The following MIER2 variants were observed in gnomAD, a reference collection of about 807,000 sequenced individuals.
MIER2 encodes the protein mesoderm induction early response protein 2.
Under a neutral mutation model 67.6 loss-of-function variants are expected in MIER2, and 30 were observed. That is an observed-to-expected ratio of 0.44 (90% CI 0.33 to 0.60). The LOEUF (loss-of-function observed/expected upper bound fraction) is 0.60. Among genes scored for constraint, MIER2 ranks in the 20% least tolerant of loss-of-function variants. The pLI, the probability that MIER2 is intolerant of heterozygous loss-of-function variation, is 0.02. For synonymous variants in MIER2, 372 were observed against 312.6 expected, an observed-to-expected ratio of 1.19 and a Z score of -2.00; for missense variants, 702 against 745.1, an observed-to-expected ratio of 0.94 and a Z score of 0.67.
At chr19:343,916 C>T (rs1972620395) in intron 1 of MIER2, 2 of 985,350 alleles carry the variant, frequency 2.0e-6, no homozygotes, top group South Asian at 9.4e-5. Context: ...AAAGTTTCTT[C>T]CTTCCTGGTT....
intron 8 of MIER2, 110 bp downstream of exon 8, chr19:313,382 C>CA: frequency 6.6e-7 from 1 of 1,509,318 alleles, no homozygotes; most frequent in South Asian, 1.3e-5. Context: ...ACACACCTGA[C>CA]CCCTGCCCTC....
intron 2 of MIER2, among the ~76,000 whole-genome samples, chr19:334,870 T>C (rs1456153128): frequency 1.3e-5 from 2 of 151,836 alleles, no homozygotes; most frequent in Non-Finnish European, 2.9e-5. Flanking sequence ...CTCGTTAGGG[T>C]AGAAGGAGCA....
intron 9 of MIER2, 109 bp from the exon 10 acceptor site, chr19:312,048 G>T: frequency 1.6e-6 from 2 of 1,232,004 alleles, no homozygotes; most frequent in Non-Finnish European, 1.1e-6. Context: ...CGGGGCCGCA[G>T]CGGAAGGAAG....
At chr19:317,730 C>CAAA (rs10710807) in intron 7 of MIER2, among the ~76,000 whole-genome samples, 5 of 84,312 alleles carry the variant, frequency 5.9e-5, no homozygotes, top group African/African-American at 9.0e-5. Context: ...GACTCTGTCT[C>CAAA]AAAAAAAAAA....
chr19:317,967 G>A (rs1262803627), intron 7 of MIER2, among the ~76,000 whole-genome samples: 1 of 152,130 alleles, frequency 6.6e-6, no homozygotes, highest in Non-Finnish European at 1.5e-5. Flanking sequence ...ACATTGGGAG[G>A]CCGAAGTGGG....
Position 308,442 on chromosome 19 carries a change from G to C in MIER2, c.1198+135C>G. The C allele has an allele frequency of 5.4e-6, 5 of 917,632 alleles. No individual in the cohort carries two copies. Among genetic ancestry groups the C allele is most frequent in the Non-Finnish European group, 8.1e-6 (5 of 619,586 alleles). 56.8% of individuals were successfully genotyped at this position (917,632 alleles called of 1,614,324 possible). A position where few individuals can be genotyped will look rare whatever the true frequency, so the allele number is the denominator to read the frequency against. ...CATCCACATCACGTGGCTGCCCTCCGCCACCCAGACGCCCACTCCTCCTGG... is the reference window on the plus strand; with the variant it reads ...CATCCACATCACGTGGCTGCCCTCCCCCACCCAGACGCCCACTCCTCCTGG... On this transcript the variant is annotated intron_variant, in intron 12 of 13. Coordinates refer to ENST00000264819, the MANE Select transcript of MIER2 (RefSeq NM_017550.3). The surrounding 1 kb of genome is among the most constrained non-coding windows in gnomAD (Gnocchi z 9.1).
At chr19:330,682 C>T (rs902590706) in intron 3 of MIER2, among the ~76,000 whole-genome samples, 2 of 152,020 alleles carry the variant, frequency 1.3e-5, no homozygotes, top group Non-Finnish European at 2.9e-5. Context: ...TTCAAGGAGG[C>T]CGTGAGGGTG....
intron 4 of MIER2, among the ~76,000 whole-genome samples, 154 bp from the exon 5 acceptor site, chr19:327,410 C>T (rs1243856260): frequency 1.3e-5 from 2 of 152,164 alleles, no homozygotes; most frequent in African/African-American, 4.8e-5. Flanking sequence ...GTGGGGGGAG[C>T]GGGGATGGGA....
Position 305,876 on chromosome 19 carries a change from C to G in MIER2, c.*814G>C, listed in dbSNP as rs1011634753. 2 of 152,386 alleles carry G rather than the reference C, an allele frequency of 1.3e-5. No homozygotes were observed. The highest frequency in any genetic ancestry group is 2.4e-5 in the African/African-American group (1 of 41,462). 9.4% of individuals were successfully genotyped at this position (152,386 alleles called of 1,614,324 possible). A position where few individuals can be genotyped will look rare whatever the true frequency, so the allele number is the denominator to read the frequency against. On this transcript the variant is annotated 3_prime_UTR_variant, in exon 14 of 14. Transcript: ENST00000264819. The stretch of plus-strand genomic sequence containing the variant: ...AGACCTGCAGGGCTGGGGAAACAGG[C>G]TGGAGTCTGGCCCCTGCGTGGCCAG...
rs75198240 is a variant in MIER2, at chr19:327,260, T to TA, written c.370-5dup. The TA allele has an allele frequency of 0.19, 247,573 of 1,319,752 alleles. 2,097 individuals are homozygous for TA. The highest frequency in any genetic ancestry group is 0.29 in the African/African-American group (18,217 of 63,610). 81.8% of individuals were successfully genotyped at this position (1,319,752 alleles called of 1,614,324 possible). A position where few individuals can be genotyped will look rare whatever the true frequency, so the allele number is the denominator to read the frequency against. On this transcript the variant is annotated splice_region_variant and splice_polypyrimidine_tract_variant and intron_variant, in intron 4 of 13. Coordinates refer to ENST00000264819, the MANE Select transcript of MIER2 (RefSeq NM_017550.3). ...GCAAATCCTTCGCTATTTGTTCCTT[T>TA]AAAAAAAAAAAAAAAAGTAAAGAAC... is the stretch of plus-strand genomic sequence containing the variant.
rs781172463 is a variant in MIER2 at position 306,171 on chromosome 19, G to C, written c.*519C>G. On this transcript the variant is annotated 3_prime_UTR_variant, in exon 14 of 14. Transcript: ENST00000264819. ...TATGGCTCTGTGCCCCACGGGGTTG[G>C]CACTGAGTAGCAGCTGCCCACGACC... 6.1e-6 allele frequency: 1 copy of C among 164,806 alleles called. No homozygotes were observed. Among genetic ancestry groups the C allele is most frequent in the Non-Finnish European group, 1.3e-5 (1 of 76,712 alleles). 10.2% of individuals were successfully genotyped at this position (164,806 alleles called of 1,614,324 possible).
rs372865632 is a variant in MIER2, at chr19:325,720, C to G, written c.586-16G>C. 3 of 1,614,164 alleles carry G rather than the reference C, an allele frequency of 1.9e-6. No homozygotes were observed. The highest frequency in any genetic ancestry group is 1.1e-5 in the South Asian group (1 of 91,088). ...CCATGATCTCCTGCAAAGCAAGCAC[C>G]TGGGAATCAGGACACTGAGGAGCAT... On this transcript the variant is annotated splice_polypyrimidine_tract_variant and intron_variant, in intron 6 of 13. Transcript: ENST00000264819.
At chr19:306,746 G>A in intron 13 of MIER2, 35 bp from the exon 14 acceptor site, 5 of 1,555,036 alleles carry the variant, frequency 3.2e-6, no homozygotes, top group Non-Finnish European at 4.4e-6. Context: ...CGCAGAGAGT[G>A]TCAGTGCGGC....
chr19:344,514 C>T (rs1202612022), intron 1 of MIER2: 3 of 403,784 alleles, frequency 7.4e-6, no homozygotes, highest in Non-Finnish European at 1.0e-5. Flanking sequence ...CCGGCCCCCG[C>T]CCGCCCCGCG....
chr19:323,764 G>A lies in MIER2; in HGVS notation c.655+1871C>T, dbSNP rs189879160. Among the ~76,000 whole-genome samples, 40 of 148,598 alleles carry A rather than the reference G, an allele frequency of 2.7e-4. No homozygotes were observed. In the East Asian group the frequency reaches 7.9e-3, roughly 29 times the overall value. On this transcript the variant is annotated intron_variant, in intron 7 of 13. Transcript: ENST00000264819. ...GACGTCATCACAATGCAATACACAG[G>A]ACACACACAACCACAGACAACTCGA...
At chr19:326,879 G>A (rs1048740444) in intron 5 of MIER2, 2 of 586,066 alleles carry the variant, frequency 3.4e-6, no homozygotes, top group Non-Finnish European at 5.9e-6. Context: ...TTCTGGGAAT[G>A]CTGTCCCTGG....
rs1970658412 is a variant in MIER2 at position 306,562 on chromosome 19, T to C, written c.*128A>G. 2.0e-5 allele frequency: 25 copies of C among 1,275,848 alleles called. No homozygotes were observed. The highest frequency in any genetic ancestry group is 2.6e-5 in the Non-Finnish European group (24 of 907,940). The allele number at this position is 1,275,848 out of a possible 1,614,324, so 79.0% of individuals were successfully genotyped here. A position where few individuals can be genotyped will look rare whatever the true frequency, so the allele number is the denominator to read the frequency against. ...CCACCTCACCCCAGTCCTGACGTGT[T>C]CTGAAGCAGAAGGAGGTGCTACCCC... On this transcript the variant is annotated 3_prime_UTR_variant, in exon 14 of 14. Transcript: ENST00000264819.
chr19:332,047 T>C (rs1191861379), intron 3 of MIER2, among the ~76,000 whole-genome samples: 8 of 152,334 alleles, frequency 5.3e-5, no homozygotes, highest in African/African-American at 1.9e-4. Flanking sequence ...TATGGAAAAC[T>C]AAAAATTCAG....
At chr19:323,758 AC>A (rs542493025) in intron 7 of MIER2, among the ~76,000 whole-genome samples, 9 of 151,646 alleles carry the variant, frequency 5.9e-5, no homozygotes, top group African/African-American at 2.2e-4. Context: ...ACAATGCAAT[AC>A]ACAGGACACA....
Sources: gnomAD v4.1 joint callset for allele counts (sites outside exome capture counted in the v4.1 genomes callset) on GRCh38, gnomAD v4.1.1 for gene constraint, Gnocchi (gnomAD v3.1) non-coding constraint, MANE v1.5 for transcripts, NCBI Gene and HGNC (gene_info 2026-07-23, HGNC 2026-07-21) for gene names.